Variants in MECOM observed in about 807,000 individuals in gnomAD.
The protein encoded by MECOM is MDS1 and EVI1 complex locus, also known as histone-lysine N-methyltransferase MECOM.
Under a neutral mutation model 116.3 loss-of-function variants are expected in MECOM, and 13 were observed. The ratio of observed to expected loss-of-function variants is 0.11; its 90% CI spans 0.07 to 0.18. The LOEUF (loss-of-function observed/expected upper bound fraction) is 0.18, where lower values mean the gene tolerates loss of function less well. Ranked by LOEUF, MECOM falls within the 10% of genes least tolerant of loss-of-function variation. The pLI is 1.00. For synonymous variants in MECOM, 528 were observed against 535.2 expected (o/e 0.99, Z 0.19); for missense variants, 1,299 against 1,509.0 (o/e 0.86, Z 2.31).
At chr3:169,484,219 G>A (rs1751809245) in intron 1 of MECOM, 1 of 552,492 alleles carries the variant, frequency 1.8e-6, no homozygotes, top group African/African-American at 1.9e-5. Flanking sequence ...ATATGTGAAT[G>A]TTTATAACAG....
intron 2 of MECOM, among the ~76,000 whole-genome samples, chr3:169,173,344 T>C (rs1469640216): frequency 2.0e-5 from 3 of 152,120 alleles, no homozygotes; most frequent in Non-Finnish European, 4.4e-5. Context: ...CCCTTTAACA[T>C]GCCCACTAGG....
intron 10 of MECOM, among the ~76,000 whole-genome samples, chr3:169,105,572 G>A (rs989872111): frequency 2.6e-5 from 4 of 152,210 alleles, no homozygotes; most frequent in Middle Eastern, 3.4e-3. Context: ...CTAGGAATAA[G>A]AAATTTGCTG....
At chr3:169,396,010 T>C (rs1252766763) in intron 1 of MECOM, among the ~76,000 whole-genome samples, 3 of 152,212 alleles carry the variant, frequency 2.0e-5, no homozygotes, top group Admixed American at 1.3e-4. Flanking sequence ...CTATAGAAGC[T>C]ATCCCCAAAC....
intron 1 of MECOM, among the ~76,000 whole-genome samples, chr3:169,403,904 T>G (rs565908170): frequency 1.3e-5 from 2 of 152,316 alleles, no homozygotes; most frequent in African/African-American, 4.8e-5. Context: ...AAATTTAGAT[T>G]TATAAGTTTG....
At chr3:169,657,630 C>T (rs1204483571) in intron 1 of MECOM, among the ~76,000 whole-genome samples, 4 of 152,210 alleles carry the variant, frequency 2.6e-5, no homozygotes, top group African/African-American at 9.6e-5. Context: ...TCTCTCCTCC[C>T]ACTTGAGCTA....
intron 1 of MECOM, among the ~76,000 whole-genome samples, chr3:169,524,177 G>T (rs956726072): frequency 1.3e-5 from 2 of 151,752 alleles, no homozygotes; most frequent in African/African-American, 2.4e-5. Flanking sequence ...TATTAGCCCA[G>T]GTGGAAGAGA....
At chr3:169,099,812 C>A (rs2148935544) in intron 12 of MECOM, among the ~76,000 whole-genome samples, 1 of 152,044 alleles carries the variant, frequency 6.6e-6, no homozygotes, top group East Asian at 1.9e-4. Flanking sequence ...AGGCATTGAA[C>A]ATTAAATAAT....
intron 2 of MECOM, among the ~76,000 whole-genome samples, chr3:169,295,758 C>T (rs899473475): frequency 8.5e-5 from 13 of 152,132 alleles, no homozygotes; most frequent in Non-Finnish European, 5.9e-5. Context: ...AGGGACATTG[C>T]CCGTGCTGCT....
intron 1 of MECOM, among the ~76,000 whole-genome samples, chr3:169,579,206 A>G (rs1764839721): frequency 6.6e-6 from 1 of 152,148 alleles, no homozygotes. Flanking sequence ...CAGGTTTCTC[A>G]CTTAAGAAAA....
intron 9 of MECOM, among the ~76,000 whole-genome samples, chr3:169,111,992 T>C (rs1461880911): frequency 6.6e-6 from 1 of 152,130 alleles, no homozygotes; most frequent in East Asian, 1.9e-4. Context: ...TTTATTAAAA[T>C]GTTGCTATCT....
At chr3:169,183,762 AC>A in intron 2 of MECOM, among the ~76,000 whole-genome samples, 1 of 1,302 alleles carries the variant, frequency 7.7e-4, no homozygotes, top group South Asian at 0.015. Flanking sequence ...ATACATACAT[AC>A]ACACACACAC....
chr3:169,374,699 C>T (rs1342162159), intron 2 of MECOM, among the ~76,000 whole-genome samples: 14 of 151,848 alleles, frequency 9.2e-5, no homozygotes, highest in South Asian at 8.3e-4. Context: ...ATCCACCTTT[C>T]TTGGTGGGAC....
intron 1 of MECOM, among the ~76,000 whole-genome samples, chr3:169,484,237 G>C (rs980158684): frequency 6.6e-6 from 1 of 151,512 alleles, no homozygotes; most frequent in African/African-American, 2.4e-5. Flanking sequence ...CAGAAAGAAA[G>C]GATGAAGAAC....
At chr3:169,424,092 A>G (rs6791961) in intron 1 of MECOM, among the ~76,000 whole-genome samples, 15,677 of 152,132 alleles carry the variant, frequency 0.1, 1,085 homozygotes, top group East Asian at 0.23. Flanking sequence ...CATTAAGCCC[A>G]TGACATTTCA....
In MECOM at chr3:169,420,774, T is replaced by C. The variant is rs550115950; in HGVS notation, c.38-39250A>G. On this transcript the variant is annotated intron_variant, in intron 1 of 16. Coordinates refer to ENST00000651503, the MANE Select transcript of MECOM (RefSeq NM_004991.4). ...ACCAAGCCCATAATTCCTAAGAATA[T>C]GATGTTTTAATATAGGATGGTCACT... 9.2e-4 allele frequency among the ~76,000 whole-genome samples: 140 copies of C among 152,132 alleles called. 1 individual carries two copies. The highest frequency in any genetic ancestry group is 1.8e-3 in the Non-Finnish European group (120 of 68,006).
intron 2 of MECOM, among the ~76,000 whole-genome samples, chr3:169,272,306 T>C (rs1759049853): frequency 6.6e-6 from 1 of 152,026 alleles, no homozygotes; most frequent in Non-Finnish European, 1.5e-5. Flanking sequence ...GTGGCTAACA[T>C]GGGAGTTGGG....
intron 1 of MECOM, among the ~76,000 whole-genome samples, chr3:169,507,804 G>GGT (rs1755455530): frequency 7.2e-6 from 1 of 138,666 alleles, no homozygotes; most frequent in African/African-American, 2.8e-5. Flanking sequence ...TGGGACCACA[G>GGT]GCACCGCCAC....
intron 2 of MECOM, among the ~76,000 whole-genome samples, chr3:169,229,854 G>A (rs1753167761): frequency 6.6e-6 from 1 of 152,052 alleles, no homozygotes; most frequent in Non-Finnish European, 1.5e-5. Context: ...CAGCTACAAT[G>A]TTTTTTCATG....
chr3:169,367,231 T>C (rs1729330477), intron 2 of MECOM, among the ~76,000 whole-genome samples: 2 of 152,090 alleles, frequency 1.3e-5, no homozygotes, highest in South Asian at 2.1e-4. Context: ...TGTGAGATAC[T>C]GAAAGACTAA....
Sources: allele counts gnomAD v4.1 joint callset (sites outside exome capture counted in the v4.1 genomes callset), GRCh38; gene constraint gnomAD v4.1.1; transcripts MANE v1.5; gene names NCBI Gene and HGNC (gene_info 2026-07-23, HGNC 2026-07-21).